Variants in GALK2 observed in about 807,000 individuals in gnomAD.
The protein encoded by GALK2 is N-acetylgalactosamine kinase.
In GALK2, 36 loss-of-function variants were observed where a neutral mutation model predicts 52.4. The observed-to-expected ratio is 0.69, with a 90% CI of 0.53 to 0.91. The LOEUF (loss-of-function observed/expected upper bound fraction) is 0.91. Ranked by LOEUF, GALK2 falls within the 40% of genes least tolerant of loss-of-function variation. GALK2 has a pLI of 0.00. For synonymous variants in GALK2, 176 were observed against 199.1 expected (o/e 0.88, Z 0.98); for missense variants, 579 against 559.1 (o/e 1.04, Z -0.36).
chr15:49,343,070 C>T (rs1236413889), intron 3 of GALK2, among the ~76,000 whole-genome samples: 3 of 152,092 alleles, frequency 2.0e-5, no homozygotes, highest in Admixed American at 6.5e-5. Context: ...ACCTCTCTAA[C>T]AAGATAACAA....
intron 3 of GALK2, among the ~76,000 whole-genome samples, chr15:49,350,198 A>G (rs1396090899): frequency 6.6e-6 from 1 of 152,208 alleles, no homozygotes; most frequent in Non-Finnish European, 1.5e-5. Context: ...AATGTCTGAC[A>G]TTTGCATTGT....
chr15:49,320,401 C>T (rs757325571), intron 9 of GALK2, among the ~76,000 whole-genome samples: 10 of 152,158 alleles, frequency 6.6e-5, no homozygotes, highest in Admixed American at 2.6e-4. Context: ...GTAAAGAGGA[C>T]AACTCTTTCA....
rs1303216312 is a variant in GALK2 at position 49,330,495 on chromosome 15, C to T, written c.*2336C>T. ...GGTGGAATATCTGATACTACTTGTC[C>T]AACATTTCTACAGGGCATCAATGAA... On this transcript the variant is annotated 3_prime_UTR_variant, in exon 10 of 10. Coordinates refer to ENST00000560031, the MANE Select transcript of GALK2 (RefSeq NM_002044.4). The T allele has an allele frequency of 6.6e-6, 1 of 152,054 alleles. No homozygotes were observed. Among genetic ancestry groups the T allele is most frequent in the Non-Finnish European group, 1.5e-5 (1 of 68,004 alleles). 9.4% of individuals were successfully genotyped at this position (152,054 alleles called of 1,614,324 possible). A position where few individuals can be genotyped will look rare whatever the true frequency, so the allele number is the denominator to read the frequency against.
intron 3 of GALK2, among the ~76,000 whole-genome samples, chr15:49,352,119 C>T (rs749352849): frequency 2.8e-4 from 42 of 152,102 alleles, no homozygotes; most frequent in Non-Finnish European, 4.4e-4. Flanking sequence ...GCTGTGACTG[C>T]TAACTGGAAC....
At chr15:49,312,975 T>A (rs959673459) in intron 8 of GALK2, among the ~76,000 whole-genome samples, 1 of 152,094 alleles carries the variant, frequency 6.6e-6, no homozygotes, top group Non-Finnish European at 1.5e-5. Flanking sequence ...TGCTGAGAAG[T>A]CCTATTATAG....
intron 8 of GALK2, among the ~76,000 whole-genome samples, chr15:49,306,226 C>T (rs1210993228): frequency 6.6e-6 from 1 of 151,764 alleles, no homozygotes; most frequent in Non-Finnish European, 1.5e-5. Flanking sequence ...TCTAGTAGGG[C>T]CATTTTACAT....
intron 3 of GALK2, among the ~76,000 whole-genome samples, chr15:49,350,615 T>C (rs977428186): frequency 4.6e-5 from 7 of 152,186 alleles, no homozygotes; most frequent in African/African-American, 9.7e-5. Context: ...AAATGGTTCA[T>C]CTCTTAAAAC....
At chr15:49,183,372 T>C (rs1273348472) in intron 1 of GALK2, among the ~76,000 whole-genome samples, 1 of 152,216 alleles carries the variant, frequency 6.6e-6, no homozygotes, top group Non-Finnish European at 1.5e-5. Context: ...CCATTTTTAT[T>C]TGTCTCAAGA....
chr15:49,241,802 G>A (rs2091109236), intron 5 of GALK2, among the ~76,000 whole-genome samples: 1 of 152,156 alleles, frequency 6.6e-6, no homozygotes, highest in South Asian at 2.1e-4. Flanking sequence ...CTAAGAAATA[G>A]GAAGGAAAGA....
chr15:49,365,948 AAACT>A (rs1260442346), intron 3 of GALK2: 4 of 897,040 alleles, frequency 4.5e-6, no homozygotes, highest in South Asian at 1.3e-5. Context: ...ATCATAACAT[AAACT>A]AACCATTTGT....
chr15:49,159,047 C>A (rs569326978), intron 1 of GALK2: 1 of 152,164 alleles, frequency 6.6e-6, no homozygotes, highest in Non-Finnish European at 1.5e-5. Flanking sequence ...CCAGACTGGT[C>A]TTGCAATCCT....
intron 1 of GALK2, among the ~76,000 whole-genome samples, chr15:49,171,018 C>G (rs8029538): frequency 0.076 from 10,132 of 133,686 alleles, 464 homozygotes; most frequent in East Asian, 0.2. Flanking sequence ...TTTCCTGACT[C>G]TCTGCTTTTG....
At chr15:49,272,951 G>C (rs185861231) in intron 5 of GALK2, among the ~76,000 whole-genome samples, 3 of 152,302 alleles carry the variant, frequency 2.0e-5, no homozygotes, top group Admixed American at 6.5e-5. Context: ...AAGTCTGGAG[G>C]GAGCCACTGG....
intron 4 of GALK2, 134 bp downstream of exon 4, chr15:49,236,075 T>C: frequency 1.5e-6 from 1 of 649,072 alleles, no homozygotes; most frequent in South Asian, 1.9e-5. Context: ...TGCTAGTTTG[T>C]GTTTCAGAGA....
intron 2 of GALK2, among the ~76,000 whole-genome samples, chr15:49,202,167 C>G (rs2141310352): frequency 6.6e-6 from 1 of 152,132 alleles, no homozygotes; most frequent in Admixed American, 6.5e-5. Context: ...CCATGCCTGG[C>G]TAATTTTTTG....
chr15:49,337,259 G>A (rs2039877328), intron 3 of GALK2, among the ~76,000 whole-genome samples: 1 of 152,070 alleles, frequency 6.6e-6, no homozygotes, highest in Non-Finnish European at 1.5e-5. Context: ...AGTTCTTTGA[G>A]AAATCTCAAC....
chr15:49,319,206 G>A (rs546897917), intron 8 of GALK2: 149 of 351,360 alleles, frequency 4.2e-4, no homozygotes, highest in Non-Finnish European at 7.0e-4. Context: ...CACCTGCCTC[G>A]GCCTCCCAAA....
At chr15:49,293,074 C>G (rs1244259012) in intron 8 of GALK2, among the ~76,000 whole-genome samples, 1 of 152,140 alleles carries the variant, frequency 6.6e-6, no homozygotes, top group Non-Finnish European at 1.5e-5. Context: ...TGGCTTGTTC[C>G]TCTTAGACTA....
At chr15:49,261,174 T>C (rs1281933675) in intron 5 of GALK2, among the ~76,000 whole-genome samples, 38 of 148,640 alleles carry the variant, frequency 2.6e-4, no homozygotes, top group African/African-American at 4.2e-4. Context: ...GCCATTTTCA[T>C]GATATTGATT....
Sources: gnomAD v4.1 joint callset for allele counts (sites outside exome capture counted in the v4.1 genomes callset) on GRCh38, gnomAD v4.1.1 for gene constraint, MANE v1.5 for transcripts, NCBI Gene and HGNC (gene_info 2026-07-23, HGNC 2026-07-21) for gene names.